Variants in STX3 observed in about 807,000 individuals in gnomAD.
STX3 encodes syntaxin-3.
A neutral mutation model predicts 40.2 loss-of-function variants in STX3; 19 were observed. That is an observed-to-expected ratio of 0.47 (90% confidence interval 0.33 to 0.69). STX3 has a LOEUF of 0.69. Among genes scored for constraint, STX3 ranks in the 30% least tolerant of loss-of-function variants. The pLI is 0.02. For missense variants in STX3, 364 were observed against 366.7 expected (o/e 0.99, Z 0.06); for synonymous variants, 122 against 132.2 (o/e 0.92, Z 0.53).
Position 59,802,671 on chromosome 11 carries a change from T to G in STX3, c.*1847T>G. Reference sequence around the variant, plus strand: ...GTAAACTTGATTATTTTATTGCTAATTTAAAAATAAAAATGACTTTGTATT... The same window carrying G: ...GTAAACTTGATTATTTTATTGCTAAGTTAAAAATAAAAATGACTTTGTATT... On this transcript the variant is annotated 3_prime_UTR_variant, in exon 11 of 11. Transcript: ENST00000337979. 1 of 985,652 alleles carries G rather than the reference T, an allele frequency of 1.0e-6. No homozygotes were observed. Among genetic ancestry groups the G allele is most frequent in the African/African-American group, 1.7e-5 (1 of 57,378 alleles). 61.1% of individuals were successfully genotyped at this position (985,652 alleles called of 1,614,324 possible).
intron 2 of STX3, chr11:59,781,585 T>G: frequency 6.2e-7 from 1 of 1,613,864 alleles, no homozygotes. Flanking sequence ...CCATCACAAG[T>G]GATGATACAA....
chr11:59,781,320 A>G (rs1037765079), intron 2 of STX3: 22 of 1,582,430 alleles, frequency 1.4e-5, no homozygotes, highest in Admixed American at 1.7e-5. Flanking sequence ...TTTTTATTCT[A>G]CTTTTTCATA....
chr11:59,769,884 T>C (rs570509448), intron 1 of STX3, among the ~76,000 whole-genome samples: 172 of 148,778 alleles, frequency 1.2e-3, no homozygotes, highest in Admixed American at 2.6e-3. Context: ...GGAAGGTGTG[T>C]GGGTGTATGT....
At position 59,755,539 on chromosome 11, in the gene STX3, G is replaced by A. The variant is rs985036555; in HGVS notation, c.-67G>A. On this transcript the variant is annotated 5_prime_UTR_variant, in exon 1 of 11. Transcript: ENST00000337979. ...GCCGCCGCTTCCGGCAGCTCACCTGGGAAGCGCTCACCTGGGACGCGCTCA... is the reference window on the plus strand; with the variant it reads ...GCCGCCGCTTCCGGCAGCTCACCTGAGAAGCGCTCACCTGGGACGCGCTCA... 5.3e-4 allele frequency: 832 copies of A among 1,558,756 alleles called. 2 individuals carry two copies. In the Admixed American group the frequency reaches 0.014, roughly 26 times the overall value.
intron 1 of STX3, among the ~76,000 whole-genome samples, chr11:59,764,619 G>A (rs1863195991): frequency 1.3e-5 from 2 of 152,132 alleles, no homozygotes; most frequent in South Asian, 2.1e-4. Flanking sequence ...TGAAATAAGC[G>A]AGAGCGTGTT....
intron 2 of STX3, among the ~76,000 whole-genome samples, chr11:59,786,225 TTA>T (rs1173517253): frequency 6.6e-6 from 1 of 151,720 alleles, no homozygotes; most frequent in African/African-American, 2.4e-5. Context: ...CTTGTTTTCT[TTA>T]TCTGTTTCTT....
chr11:59,795,393 G>A lies in STX3; in HGVS notation c.697G>A (p.Glu233Lys), dbSNP rs1590826086. The A allele has an allele frequency of 4.3e-6, 7 of 1,613,316 alleles. No individual in the cohort carries two copies. Among genetic ancestry groups the A allele is most frequent in the Non-Finnish European group, 5.9e-6 (7 of 1,179,744 alleles). Reference sequence around the variant, plus strand: ...GCAGGGTGAGATGTTAGATAACATAGAGTTGAATGTCATGCACACAGTGGA... The same window carrying A: ...GCAGGGTGAGATGTTAGATAACATAAAGTTGAATGTCATGCACACAGTGGA... ...ENQGEMLDNI[E>K]LNVMHTVDHV... Residue 233 changes from glutamate (E) to lysine (K), a missense_variant, in exon 9 of 11, where the codon GAG (glutamate) becomes AAG (lysine). Glu to Lys is a moderately conservative substitution (Grantham distance 56). Coordinates refer to ENST00000337979, the MANE Select transcript of STX3 (RefSeq NM_004177.5).
At position 59,768,500 on chromosome 11, in the gene STX3, T is replaced by C. The variant is rs559146784; in HGVS notation, c.31-4711T>C. On this transcript the variant is annotated intron_variant, in intron 1 of 10. Transcript: ENST00000337979. ...GATTGGGAATAAGGGGACATAGTGC[T>C]AATATGACTATTGATGGTGGTTGGG... Among the ~76,000 whole-genome samples, 6 of 152,304 alleles carry C rather than the reference T, an allele frequency of 3.9e-5. No homozygotes were observed. The East Asian group carries it at 1.2e-3, about 29-fold the overall frequency.
At chr11:59,758,291 C>G (rs1862842304) in intron 1 of STX3, among the ~76,000 whole-genome samples, 1 of 152,030 alleles carries the variant, frequency 6.6e-6, no homozygotes, top group Non-Finnish European at 1.5e-5. Context: ...GGAATTTGAG[C>G]ATCTCTTGGA....
At chr11:59,762,348 G>C (rs190867052) in intron 1 of STX3, among the ~76,000 whole-genome samples, 20 of 152,336 alleles carry the variant, frequency 1.3e-4, no homozygotes, top group African/African-American at 4.1e-4. Flanking sequence ...CTGTCTGCAG[G>C]ATCTTGGTCA....
chr11:59,782,676 C>T (rs149791940), intron 2 of STX3, among the ~76,000 whole-genome samples: 85 of 152,084 alleles, frequency 5.6e-4, no homozygotes, highest in Middle Eastern at 3.4e-3. Flanking sequence ...TCTGGATTCC[C>T]GTATTACTAA....
intron 3 of STX3, among the ~76,000 whole-genome samples, chr11:59,787,612 C>G (rs899306633): frequency 1.3e-5 from 2 of 152,196 alleles, no homozygotes; most frequent in Admixed American, 1.3e-4. Context: ...ACCACCTAGG[C>G]AAACGTTTTT....
intron 1 of STX3, among the ~76,000 whole-genome samples, chr11:59,770,116 ATG>A (rs1325542390): frequency 2.1e-5 from 3 of 145,830 alleles, no homozygotes; most frequent in African/African-American, 7.7e-5. Context: ...GTGTGGGTGT[ATG>A]TGTGGAGTGT....
At chr11:59,781,424 C>T (rs1864375539) in intron 2 of STX3, 1 of 1,609,622 alleles carries the variant, frequency 6.2e-7, no homozygotes. Context: ...TCCCATCCCA[C>T]TCCTGATGCT....
chr11:59,759,438 G>A (rs115377559), intron 1 of STX3, among the ~76,000 whole-genome samples: 2,283 of 152,230 alleles, frequency 0.015, 60 homozygotes, highest in African/African-American at 0.051. Context: ...AGTTTAGGCA[G>A]GATTGACAAA....
At chr11:59,765,852 GTTTC>G (rs1565164023) in intron 1 of STX3, among the ~76,000 whole-genome samples, 1 of 152,166 alleles carries the variant, frequency 6.6e-6, no homozygotes, top group East Asian at 1.9e-4. Flanking sequence ...GTGTGTCATT[GTTTC>G]TTTGAGTTAA....
intron 9 of STX3, 82 bp downstream of exon 9, chr11:59,795,564 CT>C: frequency 6.5e-7 from 1 of 1,548,078 alleles, no homozygotes; most frequent in Non-Finnish European, 8.7e-7. Flanking sequence ...CTCCCTGTCT[CT>C]GTTTCTGCTG....
intron 3 of STX3, 22 bp from the exon 4 acceptor site, chr11:59,788,851 C>G (rs1241475650): frequency 6.2e-7 from 1 of 1,606,406 alleles, no homozygotes; most frequent in Admixed American, 1.7e-5. Context: ...CTAACGGATT[C>G]TGCCTGCCTT....
intron 1 of STX3, among the ~76,000 whole-genome samples, chr11:59,765,801 C>G (rs1009395781): frequency 6.7e-6 from 1 of 150,348 alleles, no homozygotes; most frequent in Non-Finnish European, 1.5e-5. Flanking sequence ...AAGACTCTGT[C>G]TCAAACAAAC....
Sources: allele counts gnomAD v4.1 joint callset (sites outside exome capture counted in the v4.1 genomes callset), GRCh38; gene constraint gnomAD v4.1.1; transcripts MANE v1.5; gene names NCBI Gene and HGNC (gene_info 2026-07-23, HGNC 2026-07-21).